The following WFDC11 variants were observed in gnomAD, a reference collection of about 807,000 sequenced individuals.
WFDC11 encodes protein WFDC11.
In WFDC11, 9 loss-of-function variants were observed where a neutral mutation model predicts 9.9. The ratio of observed to expected loss-of-function variants is 0.91; its 90% CI spans 0.55 to 1.58. The LOEUF is 1.58. Among genes scored for constraint, WFDC11 ranks in the 40% most tolerant of loss-of-function variants. WFDC11 has a pLI of 0.00. For missense variants in WFDC11, 106 were observed against 101.7 expected, an observed-to-expected ratio of 1.04 and a Z score of -0.18; for synonymous variants, 32 against 33.3, an observed-to-expected ratio of 0.96 and a Z score of 0.13.
At chr20:45,654,066 C>G (rs1982868128) in intron 2 of WFDC11, among the ~76,000 whole-genome samples, 1 of 152,184 alleles carries the variant, frequency 6.6e-6, no homozygotes, top group African/African-American at 2.4e-5. Context: ...GAACTCAGCT[C>G]TGCACCAAGA....
rs774496129 is a variant in WFDC11, at chr20:45,649,332, A to G, written c.168T>C (p.Ser56=). ...TTTTGTCTTTACATCTAAAGGCTTTAGAACACTTATTGGTACATTCTTTGA... is the reference window on the plus strand; with the variant it reads ...TTTTGTCTTTACATCTAAAGGCTTTGGAACACTTATTGGTACATTCTTTGA... ...PNVKECTNKC[S]KAFRCKDKNY... is the part of the protein sequence containing the mutation. Residue 56 remains serine (S), a synonymous_variant, in exon 4 of 5, where the codon TCT becomes TCC. Transcript: ENST00000324384. 1.2e-6 allele frequency: 2 copies of G among 1,614,232 alleles called. No individual in the cohort carries two copies. Among genetic ancestry groups the G allele is most frequent in the East Asian group, 2.2e-5 (1 of 44,892 alleles).
At position 45,659,769 on chromosome 20, in the gene WFDC11, T is replaced by C. The variant is rs555084005; in HGVS notation, c.-52+7319A>G. The stretch of plus-strand genomic sequence containing the variant: ...TTTGCTGCCATTGCTTTTGGTGTTT[T>C]AGTCATGAAGCCTTTGCTCATCCCT... On this transcript the variant is annotated intron_variant, in intron 2 of 4. Coordinates refer to ENST00000324384, the MANE Select transcript of WFDC11 (RefSeq NM_147197.2). Among the ~76,000 whole-genome samples the C allele has an allele frequency of 4.6e-5, 7 of 152,378 alleles. No homozygotes were observed. The South Asian group carries it at 1.2e-3, about 27-fold the overall frequency.
chr20:45,654,223 C>G (rs1266918534), intron 2 of WFDC11, among the ~76,000 whole-genome samples: 3 of 152,196 alleles, frequency 2.0e-5, no homozygotes, highest in African/African-American at 7.2e-5. Flanking sequence ...GAAATTATAA[C>G]AAACTGTCTC....
At chr20:45,656,186 C>A (rs984725696) in intron 2 of WFDC11, among the ~76,000 whole-genome samples, 1 of 152,026 alleles carries the variant, frequency 6.6e-6, no homozygotes, top group African/African-American at 2.4e-5. Context: ...TCAAATTATA[C>A]TACAAGCCTA....
At chr20:45,659,292 T>A (rs1050746773) in intron 2 of WFDC11, among the ~76,000 whole-genome samples, 7 of 152,326 alleles carry the variant, frequency 4.6e-5, no homozygotes, top group Admixed American at 3.9e-4. Flanking sequence ...CACCACACTG[T>A]CTTCCACAAG....
intron 2 of WFDC11, among the ~76,000 whole-genome samples, chr20:45,651,284 G>A (rs995841807): frequency 6.6e-6 from 1 of 152,148 alleles, no homozygotes; most frequent in Non-Finnish European, 1.5e-5. Context: ...ATGATGGTTT[G>A]ACATACAACT....
intron 2 of WFDC11, among the ~76,000 whole-genome samples, chr20:45,657,582 A>G (rs1349427429): frequency 6.6e-6 from 1 of 152,202 alleles, no homozygotes; most frequent in Non-Finnish European, 1.5e-5. Flanking sequence ...TTAAAGTATA[A>G]TAAAAAGAAA....
At chr20:45,667,857 C>T (rs1410211857) in intron 1 of WFDC11, among the ~76,000 whole-genome samples, 4 of 152,152 alleles carry the variant, frequency 2.6e-5, no homozygotes, top group African/African-American at 7.2e-5. Context: ...GTATGGTTTG[C>T]TAAATAAACC....
intron 1 of WFDC11, among the ~76,000 whole-genome samples, chr20:45,668,988 AGGCTATAC>A (rs1983241617): frequency 6.6e-6 from 1 of 152,340 alleles, no homozygotes; most frequent in South Asian, 2.1e-4. Flanking sequence ...CATAATGTTT[AGGCTATAC>A]TTGCACCAAC....
intron 2 of WFDC11, among the ~76,000 whole-genome samples, chr20:45,662,587 C>T (rs1485394357): frequency 3.3e-5 from 5 of 152,132 alleles, no homozygotes; most frequent in East Asian, 1.9e-4. Flanking sequence ...TTTTGAGATA[C>T]GTCCCATCAA....
intron 2 of WFDC11, among the ~76,000 whole-genome samples, chr20:45,664,937 A>G (rs981432745): frequency 2.0e-5 from 3 of 151,974 alleles, no homozygotes; most frequent in African/African-American, 7.3e-5. Flanking sequence ...ATGTTCTCGT[A>G]TTTCCTGAAT....
chr20:45,662,771 A>G (rs6104283), intron 2 of WFDC11, among the ~76,000 whole-genome samples: 31,401 of 152,026 alleles, frequency 0.21, 3,662 homozygotes, highest in East Asian at 0.32. Flanking sequence ...GGATGAAGCC[A>G]ACTTGATCAT....
At chr20:45,665,208 G>A (rs115125722) in intron 2 of WFDC11, among the ~76,000 whole-genome samples, 5,096 of 152,100 alleles carry the variant, frequency 0.034, 272 homozygotes, top group African/African-American at 0.12. Flanking sequence ...TGATGCATTG[G>A]CTATTGAAGC....
At chr20:45,666,588 C>T (rs1869797291) in intron 2 of WFDC11, among the ~76,000 whole-genome samples, 1 of 152,184 alleles carries the variant, frequency 6.6e-6, no homozygotes, top group Non-Finnish European at 1.5e-5. Context: ...TTCTTATCAA[C>T]CTGAGCCTTA....
intron 2 of WFDC11, among the ~76,000 whole-genome samples, chr20:45,651,699 GT>G (rs1455422383): frequency 6.6e-6 from 1 of 150,534 alleles, no homozygotes; most frequent in Non-Finnish European, 1.5e-5. Flanking sequence ...AAAGAAAGGG[GT>G]GACAGACGGC....
chr20:45,649,761 G>A (rs759627162), intron 3 of WFDC11, among the ~76,000 whole-genome samples: 7 of 152,146 alleles, frequency 4.6e-5, no homozygotes, highest in Admixed American at 1.3e-4. Context: ...CTCAGGGCCC[G>A]GCATATCTTG....
intron 2 of WFDC11, among the ~76,000 whole-genome samples, chr20:45,656,738 A>C (rs902666660): frequency 2.0e-5 from 3 of 152,232 alleles, no homozygotes; most frequent in Non-Finnish European, 4.4e-5. Context: ...ACAAATTTAC[A>C]AGAAAAAACC....
At position 45,667,184 on chromosome 20, in the gene WFDC11, G is replaced by A. The variant is rs1268561098; in HGVS notation, c.-133-15C>T. On this transcript the variant is annotated splice_polypyrimidine_tract_variant and intron_variant, in intron 1 of 4. Transcript: ENST00000324384. Reference sequence around the variant, plus strand: ...CCATGGAGCCCCTGCACAGTGAGTAGGTGGTGAGCAAAACCAGTCAATTAT... The same window carrying A: ...CCATGGAGCCCCTGCACAGTGAGTAAGTGGTGAGCAAAACCAGTCAATTAT... 1 of 152,212 alleles carries A rather than the reference G, an allele frequency of 6.6e-6. No individual in the cohort carries two copies. The highest frequency in any genetic ancestry group is 2.4e-5 in the African/African-American group (1 of 41,430). 9.4% of individuals were successfully genotyped at this position (152,212 alleles called of 1,614,324 possible).
At chr20:45,669,572 C>T (rs1465875760) in intron 1 of WFDC11, among the ~76,000 whole-genome samples, 1 of 152,140 alleles carries the variant, frequency 6.6e-6, no homozygotes, top group Non-Finnish European at 1.5e-5. Flanking sequence ...TCCTGAATGA[C>T]TTTTTGGTAA....
Sources: gnomAD v4.1 joint callset for allele counts (sites outside exome capture counted in the v4.1 genomes callset) on GRCh38, gnomAD v4.1.1 for gene constraint, MANE v1.5 for transcripts, NCBI Gene and HGNC (gene_info 2026-07-23, HGNC 2026-07-21) for gene names.